Variants in CELSR1 observed in about 807,000 individuals in gnomAD.
CELSR1 encodes cadherin EGF LAG seven-pass G-type receptor 1.
CELSR1 carries 110 observed loss-of-function variants against 249.1 expected under a neutral mutation model. That is an observed-to-expected ratio of 0.44 (90% CI 0.38 to 0.52). CELSR1 has a LOEUF of 0.52. CELSR1 is among the 20% of genes least tolerant of loss of function. The pLI, the probability that CELSR1 is intolerant of heterozygous loss-of-function variation, is 0.00. For missense variants in CELSR1, 4,109 were observed against 4,296.4 expected (o/e 0.96, Z 1.22); for synonymous variants, 2,113 against 1,900.0 (o/e 1.11, Z -2.92).
chr22:46,372,282 C>T (rs1169878289), intron 25 of CELSR1, among the ~76,000 whole-genome samples: 1 of 147,804 alleles, frequency 6.8e-6, no homozygotes, highest in East Asian at 2.1e-4. Context: ...ACTCAACCCC[C>T]ATCCATCCAT....
intron 13 of CELSR1, among the ~76,000 whole-genome samples, chr22:46,394,508 C>G (rs902075486): frequency 6.6e-6 from 1 of 152,194 alleles, no homozygotes; most frequent in Non-Finnish European, 1.5e-5. Context: ...GTGTGCCCCA[C>G]GTCCACATGA....
At chr22:46,481,254 A>AG in intron 1 of CELSR1, 1 of 396,212 alleles carries the variant, frequency 2.5e-6, no homozygotes, top group South Asian at 3.9e-5. Flanking sequence ...AAAAAAAAAA[A>AG]GACTAAAATT....
chr22:46,488,172 A>AAGTAGCTGTGGTC lies in CELSR1; in HGVS notation c.3545-23828_3545-23827insGACCACAGCTACT, dbSNP rs1258889023. On this transcript the variant is annotated intron_variant, in intron 1 of 34. Transcript: ENST00000674500. This position sits in a 1 kb window ranked among gnomAD's most constrained non-coding sequence, Gnocchi z 4.7. ...CTGACAGCAGCTGGGTGACAGCAGG[A>AAGTAGCTGTGGTC]AGCAGCTGTGGTCAGCAGCCACTCA... is the stretch of plus-strand genomic sequence containing the variant. Among the ~76,000 whole-genome samples, 1 of 151,898 alleles carries AAGTAGCTGTGGTC rather than the reference A, an allele frequency of 6.6e-6. No individual in the cohort carries two copies. The highest frequency in any genetic ancestry group is 2.4e-5 in the African/African-American group (1 of 41,308).
At chr22:46,397,454 T>C (rs1396589013) in intron 12 of CELSR1, among the ~76,000 whole-genome samples, 2 of 152,000 alleles carry the variant, frequency 1.3e-5, no homozygotes, top group African/African-American at 4.8e-5. Flanking sequence ...GATCACCCCA[T>C]GTGCTGAGGA....
At chr22:46,365,163 A>G in intron 32 of CELSR1, 68 bp downstream of exon 32, 1 of 1,544,414 alleles carries the variant, frequency 6.5e-7, no homozygotes, top group Non-Finnish European at 8.7e-7. Context: ...GGACCCAGCC[A>G]TAGCCAAGGC....
chr22:46,455,779 G>T (rs536272421), intron 2 of CELSR1, among the ~76,000 whole-genome samples: 1 of 152,324 alleles, frequency 6.6e-6, no homozygotes, highest in East Asian at 1.9e-4. Flanking sequence ...TTTATCAAAA[G>T]CCCCAGCTTT....
intron 9 of CELSR1, among the ~76,000 whole-genome samples, chr22:46,400,763 C>T (rs1330622434): frequency 6.6e-6 from 1 of 152,110 alleles, no homozygotes; most frequent in Non-Finnish European, 1.5e-5. Flanking sequence ...GCCAGCCTGG[C>T]AAACATGGCA....
rs1476714820 is a variant in CELSR1 at position 46,518,190 on chromosome 22, G to A, written c.3544+15437C>T. 9.2e-5 allele frequency among the ~76,000 whole-genome samples: 14 copies of A among 152,140 alleles called. No individual in the cohort carries two copies. Among genetic ancestry groups the A allele is most frequent in the Non-Finnish European group, 1.5e-4 (10 of 68,030 alleles). ...CTCCCAAAGTGCTGTGATTGCAGGC[G>A]TGAGCCACCACGCCTGGCCTCGGCA... On this transcript the variant is annotated intron_variant, in intron 1 of 34. Transcript: ENST00000674500. This position sits in a 1 kb window ranked among gnomAD's most constrained non-coding sequence, Gnocchi z 5.2.
intron 1 of CELSR1, among the ~76,000 whole-genome samples, chr22:46,467,570 C>A (rs1056912850): frequency 2.0e-5 from 3 of 151,966 alleles, no homozygotes; most frequent in Admixed American, 2.0e-4. Flanking sequence ...CTCCTGTAAT[C>A]CCAGCACTTT....
At chr22:46,388,348 TAA>T (rs887827162) in intron 18 of CELSR1, among the ~76,000 whole-genome samples, 14 of 143,504 alleles carry the variant, frequency 9.8e-5, no homozygotes, top group African/African-American at 3.6e-4. Flanking sequence ...GACCCCATCT[TAA>T]AAAAAAAAAG....
chr22:46,404,451 A>T (rs892351765), intron 9 of CELSR1, among the ~76,000 whole-genome samples: 34 of 152,146 alleles, frequency 2.2e-4, no homozygotes, highest in African/African-American at 8.0e-4. Context: ...AAAACGCTAC[A>T]TGCTTGCTAA....
At chr22:46,456,665 A>T (rs1168458580) in intron 2 of CELSR1, among the ~76,000 whole-genome samples, 2 of 116,176 alleles carry the variant, frequency 1.7e-5, no homozygotes, top group African/African-American at 7.1e-5. Context: ...TCTGTCTAAA[A>T]AAAAAAAAAA....
At position 46,433,090 on chromosome 22, in the gene CELSR1, G is replaced by A. The variant is rs1206549470; in HGVS notation, c.4611+303C>T. Among the ~76,000 whole-genome samples, 3 of 151,666 alleles carry A rather than the reference G, an allele frequency of 2.0e-5. No individual in the cohort carries two copies. Among genetic ancestry groups the A allele is most frequent in the South Asian group, 2.1e-4 (1 of 4,810 alleles). ...TACCCAGGCTGGAATACAGTGGCAC[G>A]ATCTCGGCTCACTGTAACTTCTGCC... On this transcript the variant is annotated intron_variant, in intron 5 of 34. Coordinates refer to ENST00000674500, the MANE Select transcript of CELSR1 (RefSeq NM_001378328.1). This position sits in a 1 kb window ranked among gnomAD's most constrained non-coding sequence, Gnocchi z 5.7.
chr22:46,442,588 C>T (rs148305469), intron 2 of CELSR1, among the ~76,000 whole-genome samples: 123 of 152,366 alleles, frequency 8.1e-4, no homozygotes, highest in Middle Eastern at 3.4e-3. Flanking sequence ...ACCTCAGCCA[C>T]GGGCTGATTT....
At chr22:46,375,187 C>T (rs1361811217) in intron 24 of CELSR1, among the ~76,000 whole-genome samples, 1 of 152,286 alleles carries the variant, frequency 6.6e-6, no homozygotes, top group Non-Finnish European at 1.5e-5. Context: ...CTTTTTATTC[C>T]GTTTCCCTTC....
In CELSR1 at chr22:46,439,183, A is replaced by T; in HGVS notation, c.4406+6T>A. 2 of 1,609,300 alleles carry T rather than the reference A, an allele frequency of 1.2e-6. No individual in the cohort carries two copies. Among genetic ancestry groups the T allele is most frequent in the Non-Finnish European group, 1.7e-6 (2 of 1,176,414 alleles). On this transcript the variant is annotated splice_donor_region_variant and intron_variant, in intron 3 of 34. Coordinates refer to ENST00000674500, the MANE Select transcript of CELSR1 (RefSeq NM_001378328.1). ...CCCCGTGTGGCGCGGCGGGACGCAC[A>T]CTCACGTGAGGGAGATGGTGAAGTG...
intron 1 of CELSR1, chr22:46,481,656 A>G: frequency 1.5e-6 from 1 of 645,958 alleles, no homozygotes; most frequent in Non-Finnish European, 2.8e-6. Context: ...ACATGAGACA[A>G]TGCATCTTCC....
At position 46,364,521 on chromosome 22, in the gene CELSR1, G is replaced by A. The variant is rs1438064249; in HGVS notation, c.8770C>T (p.Gln2924Ter). Reference protein sequence around the residue: ...ARLASSQPPEQRKGILKNKVT... With the variant: ...ARLASSQPPE ...CGGCCTCCCCAGGCACCTTTCCTCT[G>A]CTCTGGGGGCTGGCTGCTAGCAAGC... The change falls in exon 33 of 35, where the codon CAG (glutamine) becomes TAG (stop). Residue 2924 changes from glutamine to a stop codon, truncating the protein, a stop_gained. Transcript: ENST00000674500. LOFTEE classifies it high-confidence loss of function. The A allele has an allele frequency of 1.9e-6, 3 of 1,610,688 alleles. No homozygotes were observed. Among genetic ancestry groups the A allele is most frequent in the Non-Finnish European group, 2.5e-6 (3 of 1,179,426 alleles).
At chr22:46,456,721 C>T (rs1049367993) in intron 2 of CELSR1, among the ~76,000 whole-genome samples, 6 of 147,652 alleles carry the variant, frequency 4.1e-5, no homozygotes, top group Middle Eastern at 3.6e-3. Flanking sequence ...GCTGGAGTGA[C>T]GTACACATTT....
Sources: allele counts gnomAD v4.1 joint callset (sites outside exome capture counted in the v4.1 genomes callset), GRCh38; gene constraint gnomAD v4.1.1; non-coding constraint Gnocchi (gnomAD v3.1); transcripts MANE v1.5; gene names NCBI Gene and HGNC (gene_info 2026-07-23, HGNC 2026-07-21).